The following RAB31 variants were observed in gnomAD, a reference collection of about 807,000 sequenced individuals.
RAB31 encodes the protein ras-related protein Rab-31.
In RAB31, 21 loss-of-function variants were observed where a neutral mutation model predicts 25.6. That is an observed-to-expected ratio of 0.82 (90% CI 0.58 to 1.18). RAB31 has a LOEUF of 1.18. RAB31 is among the 50% of genes most tolerant of loss of function. The pLI is 0.00. For missense variants in RAB31, 196 were observed against 250.1 expected (o/e 0.78, Z 1.46); for synonymous variants, 87 against 84.0 (o/e 1.04, Z -0.20).
intron 3 of RAB31, among the ~76,000 whole-genome samples, chr18:9,805,485 C>A (rs948182771): frequency 1.3e-5 from 2 of 152,172 alleles, no homozygotes; most frequent in African/African-American, 2.4e-5. Context: ...CCCTGCCTCT[C>A]TCTTTCACTG....
chr18:9,832,898 C>T (rs1330573284), intron 5 of RAB31, among the ~76,000 whole-genome samples: 1 of 152,178 alleles, frequency 6.6e-6, no homozygotes, highest in African/African-American at 2.4e-5. Context: ...CTGCGGGGCA[C>T]GAGGGCACAG....
In RAB31 at chr18:9,838,635, G is replaced by T. The variant is rs1198373563; in HGVS notation, c.381-6947G>T. On this transcript the variant is annotated intron_variant, in intron 5 of 6. Coordinates refer to ENST00000578921, the MANE Select transcript of RAB31 (RefSeq NM_006868.4). ...GTTACTTCCACAAACAACAAAACAA[G>T]CACCCCTATTGGGTAGCACAGGCCT... Among the ~76,000 whole-genome samples the T allele has an allele frequency of 5.3e-5, 8 of 152,236 alleles. No individual in the cohort carries two copies. In the South Asian group the frequency reaches 1.5e-3, roughly 28 times the overall value.
At chr18:9,852,090 T>C (rs1441629243) in intron 6 of RAB31, among the ~76,000 whole-genome samples, 2 of 152,064 alleles carry the variant, frequency 1.3e-5, no homozygotes, top group Non-Finnish European at 2.9e-5. Context: ...AAAAACACTT[T>C]ATTATGTAAA....
At chr18:9,728,996 C>T (rs2068108877) in intron 1 of RAB31, among the ~76,000 whole-genome samples, 1 of 152,066 alleles carries the variant, frequency 6.6e-6, no homozygotes, top group Admixed American at 6.5e-5. Context: ...ATCGTTTACC[C>T]ATTTTCAACT....
chr18:9,717,026 A>G (rs142529511), intron 1 of RAB31, among the ~76,000 whole-genome samples: 103 of 151,962 alleles, frequency 6.8e-4, no homozygotes, highest in Non-Finnish European at 9.9e-4. Context: ...CTCCCCAAAA[A>G]TATTGGGATT....
chr18:9,851,287 G>A (rs763649677), intron 6 of RAB31, among the ~76,000 whole-genome samples: 5 of 152,066 alleles, frequency 3.3e-5, no homozygotes, highest in Non-Finnish European at 5.9e-5. Context: ...ATGTCATTTC[G>A]GCATATGGGC....
At chr18:9,755,261 G>A (rs8092949) in intron 1 of RAB31, among the ~76,000 whole-genome samples, 69,652 of 151,914 alleles carry the variant, frequency 0.46, 16,165 homozygotes, top group South Asian at 0.51. Context: ...CATTAGCTCC[G>A]TTTTGTCTTG....
chr18:9,859,393 C>A lies in RAB31; in HGVS notation c.*68C>A. ...ACATCCTGTGCACTGCTGAAGGACC[C>A]TACGCTCGGTGGCCTGGCACCTCAC... On this transcript the variant is annotated 3_prime_UTR_variant, in exon 7 of 7. Transcript: ENST00000578921. The A allele has an allele frequency of 7.2e-7, 1 of 1,383,594 alleles. No individual in the cohort carries two copies. Among genetic ancestry groups the A allele is most frequent in the Non-Finnish European group, 1.0e-6 (1 of 988,258 alleles). 85.7% of individuals were successfully genotyped at this position (1,383,594 alleles called of 1,614,324 possible). A position where few individuals can be genotyped will look rare whatever the true frequency, so the allele number is the denominator to read the frequency against.
At chr18:9,756,314 G>A (rs1265328728) in intron 1 of RAB31, among the ~76,000 whole-genome samples, 1 of 152,310 alleles carries the variant, frequency 6.6e-6, no homozygotes, top group Admixed American at 6.5e-5. Context: ...GAACAGTGTA[G>A]AGTCAGGAAA....
intron 3 of RAB31, among the ~76,000 whole-genome samples, chr18:9,808,028 G>C (rs1467219098): frequency 6.6e-6 from 1 of 152,110 alleles, no homozygotes; most frequent in Non-Finnish European, 1.5e-5. Context: ...CGTTTTTGTG[G>C]AAAGATGTTT....
intron 1 of RAB31, among the ~76,000 whole-genome samples, chr18:9,711,569 T>C (rs1047565347): frequency 5.3e-5 from 8 of 152,130 alleles, no homozygotes; most frequent in Admixed American, 2.0e-4. Flanking sequence ...AGAGATGGGG[T>C]CTCCCTATGT....
intron 2 of RAB31, chr18:9,787,157 A>G (rs947390440): frequency 4.6e-6 from 1 of 218,414 alleles, no homozygotes; most frequent in Non-Finnish European, 9.9e-6. Flanking sequence ...TCACCACCCC[A>G]AAGAATTCCT....
intron 2 of RAB31, among the ~76,000 whole-genome samples, chr18:9,778,659 C>T (rs113186410): frequency 0.045 from 6,778 of 152,106 alleles, 493 homozygotes; most frequent in African/African-American, 0.15. Flanking sequence ...TTAGTAGGAA[C>T]GGGGTTTCAC....
intron 6 of RAB31, among the ~76,000 whole-genome samples, chr18:9,853,564 G>A (rs2068799733): frequency 6.6e-6 from 1 of 152,134 alleles, no homozygotes; most frequent in African/African-American, 2.4e-5. Context: ...AGGATTTTTA[G>A]GGCAGTGAAA....
chr18:9,820,950 T>C (rs1191006751), intron 5 of RAB31, among the ~76,000 whole-genome samples: 1 of 152,042 alleles, frequency 6.6e-6, no homozygotes, highest in Admixed American at 6.5e-5. Flanking sequence ...TTGTTCCTCT[T>C]TTTCTGGTTC....
chr18:9,740,043 G>C (rs2068170232), intron 1 of RAB31, among the ~76,000 whole-genome samples: 1 of 152,224 alleles, frequency 6.6e-6, no homozygotes, highest in African/African-American at 2.4e-5. Context: ...ACCCTGGGGT[G>C]ACGAGAGGAG....
Position 9,860,005 on chromosome 18 carries a change from A to C in RAB31, c.*680A>C, listed in dbSNP as rs1436700642. On this transcript the variant is annotated 3_prime_UTR_variant, in exon 7 of 7. Transcript: ENST00000578921. ...AAACCAAATCAAACTAAATTACTGCATATAATTTTGGGATTGGGTGGCCTA... is the reference window on the plus strand; with the variant it reads ...AAACCAAATCAAACTAAATTACTGCCTATAATTTTGGGATTGGGTGGCCTA... 2.0e-5 allele frequency: 3 copies of C among 152,216 alleles called. No homozygotes were observed. Among genetic ancestry groups the C allele is most frequent in the African/African-American group, 7.2e-5 (3 of 41,456 alleles). 9.4% of individuals were successfully genotyped at this position (152,216 alleles called of 1,614,324 possible).
At chr18:9,749,047 C>A (rs1164878398) in intron 1 of RAB31, among the ~76,000 whole-genome samples, 1 of 152,058 alleles carries the variant, frequency 6.6e-6, no homozygotes, top group Non-Finnish European at 1.5e-5. Context: ...TTCAAAGAAC[C>A]ATTTTATGGT....
chr18:9,769,161 T>A (rs955359040), intron 1 of RAB31, among the ~76,000 whole-genome samples: 1 of 152,208 alleles, frequency 6.6e-6, no homozygotes, highest in African/African-American at 2.4e-5. Context: ...TTGCTTAGGA[T>A]TGTCTTGGCT....
Sources: gnomAD v4.1 joint callset for allele counts (sites outside exome capture counted in the v4.1 genomes callset) on GRCh38, gnomAD v4.1.1 for gene constraint, MANE v1.5 for transcripts, NCBI Gene and HGNC (gene_info 2026-07-23, HGNC 2026-07-21) for gene names.